TNFSF11: variants seen among roughly 807,000 people sequenced by gnomAD.
TNFSF11 encodes the protein tumor necrosis factor ligand superfamily member 11.
Under a neutral mutation model 32.2 loss-of-function variants are expected in TNFSF11, and 12 were observed. The ratio of observed to expected loss-of-function variants is 0.37; its 90% CI spans 0.24 to 0.60. The LOEUF is 0.60. Ranked by LOEUF, TNFSF11 falls within the 20% of genes least tolerant of loss-of-function variation. The pLI, the probability that TNFSF11 is intolerant of heterozygous loss-of-function variation, is 0.66. For missense variants in TNFSF11, 345 were observed against 398.0 expected, an observed-to-expected ratio of 0.87 and a Z score of 1.13; for synonymous variants, 172 against 152.1, an observed-to-expected ratio of 1.13 and a Z score of -0.96.
At chr13:42,589,209 A>T (rs544801897) in intron 2 of TNFSF11, among the ~76,000 whole-genome samples, 9 of 152,186 alleles carry the variant, frequency 5.9e-5, no homozygotes, top group Admixed American at 3.3e-4. Flanking sequence ...TATCTCCACC[A>T]CCCCAAACTG....
upstream of TNFSF11, among the ~76,000 whole-genome samples, chr13:42,570,318 T>G (rs570608934): frequency 2.6e-5 from 4 of 152,330 alleles, no homozygotes; most frequent in South Asian, 8.3e-4. Context: ...GGAAAGGTAT[T>G]AAATTCAGAC....
At chr13:42,567,021 AT>A (rs1872896290) in intron 2 of TNFSF11, among the ~76,000 whole-genome samples, 1 of 152,002 alleles carries the variant, frequency 6.6e-6, no homozygotes, top group Admixed American at 6.6e-5. Context: ...AAATAAATAA[AT>A]AAAATGAAAC....
At chr13:42,606,161 C>T (rs1032775744) in intron 4 of TNFSF11, among the ~76,000 whole-genome samples, 2 of 152,196 alleles carry the variant, frequency 1.3e-5, no homozygotes, top group South Asian at 2.1e-4. Flanking sequence ...GTCTCTCCGT[C>T]CTTTGAGCTC....
chr13:42,577,889 A>G (rs867067760), intron 1 of TNFSF11, among the ~76,000 whole-genome samples: 1 of 152,228 alleles, frequency 6.6e-6, no homozygotes, highest in African/African-American at 2.4e-5. Context: ...TGACAAATGC[A>G]TTTTAACAGT....
At chr13:42,606,254 C>A (rs895958778) in intron 4 of TNFSF11, among the ~76,000 whole-genome samples, 1 of 152,220 alleles carries the variant, frequency 6.6e-6, no homozygotes, top group Non-Finnish European at 1.5e-5. Flanking sequence ...CCCTGGTGCA[C>A]TATAGACGCC....
At chr13:42,575,777 G>T (rs1873280201) in intron 1 of TNFSF11, among the ~76,000 whole-genome samples, 1 of 152,164 alleles carries the variant, frequency 6.6e-6, no homozygotes, top group Non-Finnish European at 1.5e-5. Context: ...GAGTTTTGTT[G>T]TTTCTAAAAA....
At chr13:42,563,018 G>A (rs374581206) in intron 1 of TNFSF11, 1 of 152,294 alleles carries the variant, frequency 6.6e-6, no homozygotes, top group South Asian at 2.1e-4. Context: ...GCTAGGGAGA[G>A]GGAGTTTCAG....
intron 2 of TNFSF11, among the ~76,000 whole-genome samples, chr13:42,588,058 T>C (rs537705868): frequency 1.5e-4 from 23 of 152,344 alleles, no homozygotes; most frequent in African/African-American, 5.3e-4. Context: ...GGAGCACTCA[T>C]GTTCCCAAGT....
chr13:42,573,663 C>T (rs1187282739), upstream of TNFSF11, among the ~76,000 whole-genome samples: 2 of 152,098 alleles, frequency 1.3e-5, no homozygotes, highest in East Asian at 1.9e-4. Context: ...GTGAAATTTT[C>T]GAAGTCTTCC....
At chr13:42,580,867 G>T (rs142015285) in intron 1 of TNFSF11, among the ~76,000 whole-genome samples, 2 of 152,208 alleles carry the variant, frequency 1.3e-5, no homozygotes, top group African/African-American at 2.4e-5. Flanking sequence ...CATGAATCAC[G>T]CACATACACT....
chr13:42,582,945 C>T (rs1487123628), intron 2 of TNFSF11, among the ~76,000 whole-genome samples: 2 of 152,088 alleles, frequency 1.3e-5, no homozygotes, highest in Non-Finnish European at 2.9e-5. Context: ...TCTGGTTGGG[C>T]AAAAGATTGT....
intron 2 of TNFSF11, among the ~76,000 whole-genome samples, chr13:42,586,560 C>A (rs985829282): frequency 6.6e-6 from 1 of 152,132 alleles, no homozygotes; most frequent in African/African-American, 2.4e-5. Flanking sequence ...CTTCTTTGTT[C>A]TGCATAACCT....
intron 2 of TNFSF11, 78 bp from the exon 3 acceptor site, chr13:42,600,674 A>G (rs1869121076): frequency 6.9e-7 from 1 of 1,451,544 alleles, no homozygotes; most frequent in African/African-American, 1.4e-5. Flanking sequence ...TTTGTTGCAT[A>G]TGTAACAGCC....
intron 4 of TNFSF11, among the ~76,000 whole-genome samples, chr13:42,605,888 T>C (rs1002154815): frequency 3.9e-5 from 6 of 152,242 alleles, no homozygotes; most frequent in Non-Finnish European, 8.8e-5. Flanking sequence ...CAGCCAAAGT[T>C]ACTGTGACCC....
Position 42,600,779 on chromosome 13 carries a change from C to T in TNFSF11, c.415C>T (p.His139Tyr), listed in dbSNP as rs200862293. ...ATTACAACATATCGTTGGATCACAG[C>T]ACATCAGAGCAGAGAAAGGTAAGCA... ...KELQHIVGSQ[H>Y]IRAEKAMVDG... The change falls in exon 3 of 5, where the codon CAC becomes TAC. Residue 139 changes from histidine (H) to tyrosine (Y), a missense_variant. By Grantham distance (83) the His-to-Tyr change is moderately conservative. Transcript: ENST00000398795. The T allele has an allele frequency of 4.3e-6, 7 of 1,614,064 alleles. No individual in the cohort carries two copies. The highest frequency in any genetic ancestry group is 5.9e-6 in the Non-Finnish European group (7 of 1,179,988).
intron 2 of TNFSF11, among the ~76,000 whole-genome samples, chr13:42,583,263 A>G (rs1027577417): frequency 6.6e-6 from 1 of 151,616 alleles, no homozygotes; most frequent in Non-Finnish European, 1.5e-5. Context: ...AGTAAAAAAA[A>G]TTAGCTGGGC....
At chr13:42,597,219 A>G (rs935747662) in intron 2 of TNFSF11, among the ~76,000 whole-genome samples, 4 of 152,090 alleles carry the variant, frequency 2.6e-5, no homozygotes, top group South Asian at 4.1e-4. Context: ...AAACTTACCT[A>G]TAAGGTTTCT....
intron 2 of TNFSF11, among the ~76,000 whole-genome samples, chr13:42,593,242 G>A (rs1378623434): frequency 6.6e-6 from 1 of 152,206 alleles, no homozygotes; most frequent in Non-Finnish European, 1.5e-5. Context: ...TAGGAACCTG[G>A]GATGAAGACG....
chr13:42,601,428 C>A (rs1869168738), intron 4 of TNFSF11, among the ~76,000 whole-genome samples: 1 of 152,146 alleles, frequency 6.6e-6, no homozygotes, highest in Admixed American at 6.5e-5. Context: ...GAGACAGTAA[C>A]CCTCTAGAAA....
Sources: allele counts gnomAD v4.1 joint callset (sites outside exome capture counted in the v4.1 genomes callset), GRCh38; gene constraint gnomAD v4.1.1; transcripts MANE v1.5; gene names NCBI Gene and HGNC (gene_info 2026-07-23, HGNC 2026-07-21).